PKD1L1: variants seen among roughly 807,000 people sequenced by gnomAD.
PKD1L1 encodes the protein polycystin 1 like 1, transient receptor potential channel interacting.
Under a neutral mutation model 323.4 loss-of-function variants are expected in PKD1L1, and 236 were observed. That is an observed-to-expected ratio of 0.73 (90% CI 0.66 to 0.81). The LOEUF (loss-of-function observed/expected upper bound fraction) is 0.81, where lower values mean the gene tolerates loss of function less well. Ranked by LOEUF, PKD1L1 falls within the 40% of genes least tolerant of loss-of-function variation. The probability of loss-of-function intolerance (pLI) is 0.00; values close to 1 mark genes in which losing one functional copy is unlikely to be tolerated. For synonymous variants in PKD1L1, 1,344 were observed against 1,335.0 expected, an observed-to-expected ratio of 1.01 and a Z score of -0.15; for missense variants, 3,320 against 3,508.0, an observed-to-expected ratio of 0.95 and a Z score of 1.35.
upstream of PKD1L1, among the ~76,000 whole-genome samples, chr7:47,949,390 A>AAAAAAAAAAAAAAC: frequency 1.4e-5 from 2 of 145,206 alleles, no homozygotes; most frequent in Non-Finnish European, 3.0e-5. Flanking sequence ...AAAAAAAAAA[A>AAAAAAAAAAAAAAC]AGCTGTAACT....
intron 24 of PKD1L1, among the ~76,000 whole-genome samples, chr7:47,870,589 T>C (rs771523434): frequency 7.2e-5 from 11 of 152,242 alleles, no homozygotes; most frequent in South Asian, 2.1e-4. Flanking sequence ...ATAGTAAAGA[T>C]ACTGAATCAG....
chr7:47,844,856 A>G, intron 33 of PKD1L1, 139 bp downstream of exon 33: 1 of 535,804 alleles, frequency 1.9e-6, no homozygotes, highest in South Asian at 3.5e-5. Context: ...ATAATTATCT[A>G]CTAATATGCA....
chr7:47,813,800 G>A (rs1784955674), intron 48 of PKD1L1, 131 bp downstream of exon 48: 4 of 772,632 alleles, frequency 5.2e-6, no homozygotes, highest in Admixed American at 2.3e-5. Context: ...CCCAGCCCCG[G>A]CACTGACAAT....
Position 47,890,540 on chromosome 7 carries a change from A to G in PKD1L1, c.2675+2T>C. On this transcript the variant is annotated splice_donor_variant, in intron 16 of 56. Coordinates refer to ENST00000289672, the MANE Select transcript of PKD1L1 (RefSeq NM_138295.5). LOFTEE classifies it high-confidence loss of function. ...AGCTGTGCTGAATACAGGGTCAGGT[A>G]CCTGAACGCCGAGTCAGGGTAGGGG... 1 of 1,613,784 alleles carries G rather than the reference A, an allele frequency of 6.2e-7. No individual in the cohort carries two copies. The highest frequency in any genetic ancestry group is 8.5e-7 in the Non-Finnish European group (1 of 1,179,832).
At chr7:47,939,571 C>T (rs576073585) in intron 3 of PKD1L1, among the ~76,000 whole-genome samples, 8 of 152,302 alleles carry the variant, frequency 5.3e-5, no homozygotes, top group Admixed American at 2.6e-4. Flanking sequence ...CAGGGCATTG[C>T]CCAGGCCTTC....
intron 24 of PKD1L1, among the ~76,000 whole-genome samples, chr7:47,867,093 C>T (rs1786185311): frequency 2.0e-5 from 3 of 152,212 alleles, no homozygotes; most frequent in Non-Finnish European, 4.4e-5. Context: ...AATTTATTTG[C>T]TGTATGAGCA....
intron 36 of PKD1L1, among the ~76,000 whole-genome samples, chr7:47,838,450 C>T (rs564287653): frequency 6.6e-6 from 1 of 152,290 alleles, no homozygotes; most frequent in East Asian, 1.9e-4. Flanking sequence ...GTTGTCATTA[C>T]CATAATAAAT....
chr7:47,803,166 A>G (rs772397321), intron 53 of PKD1L1, 44 bp downstream of exon 53: 7 of 1,611,514 alleles, frequency 4.3e-6, no homozygotes, highest in East Asian at 4.5e-5. Context: ...ACACAGATCA[A>G]TGGTTTACAA....
chr7:47,884,868 G>A (rs1026522290), intron 18 of PKD1L1, among the ~76,000 whole-genome samples: 2 of 152,224 alleles, frequency 1.3e-5, no homozygotes, highest in Admixed American at 1.3e-4. Flanking sequence ...GGCCCCAGGA[G>A]GAGGAGAGGG....
At chr7:47,780,458 C>T (rs1786666135) in intron 56 of PKD1L1, among the ~76,000 whole-genome samples, 1 of 152,028 alleles carries the variant, frequency 6.6e-6, no homozygotes, top group Non-Finnish European at 1.5e-5. Context: ...ATGGTGAAAA[C>T]CCGTCTCTAC....
chr7:47,923,728 A>G (rs1172010432), intron 7 of PKD1L1, among the ~76,000 whole-genome samples: 5 of 152,068 alleles, frequency 3.3e-5, no homozygotes, highest in Non-Finnish European at 7.4e-5. Context: ...ATTTATGAGG[A>G]AGAACCATGA....
chr7:47,835,081 C>A (rs768708024), intron 38 of PKD1L1, 42 bp from the exon 39 acceptor site: 23 of 1,610,398 alleles, frequency 1.4e-5, no homozygotes, highest in Non-Finnish European at 1.7e-5. Flanking sequence ...TGTTCCCCAG[C>A]AATGAAGGGG....
At chr7:47,790,329 A>C (rs1786910806) in intron 56 of PKD1L1, among the ~76,000 whole-genome samples, 1 of 119,804 alleles carries the variant, frequency 8.3e-6, no homozygotes, top group Non-Finnish European at 1.8e-5. Context: ...ATTGCTAAAT[A>C]AATAATTTTT....
intron 41 of PKD1L1, 55 bp from the exon 42 acceptor site, chr7:47,831,407 C>T: frequency 6.4e-7 from 1 of 1,563,750 alleles, no homozygotes; most frequent in Non-Finnish European, 8.7e-7. Flanking sequence ...GCATCTCCAT[C>T]CACGCGGAGT....
intron 30 of PKD1L1, among the ~76,000 whole-genome samples, chr7:47,854,106 A>G (rs1478538601): frequency 6.6e-6 from 1 of 152,188 alleles, no homozygotes; most frequent in East Asian, 1.9e-4. Flanking sequence ...TAGACATCGA[A>G]TGCTTAGCTC....
chr7:47,777,083 G>A (rs57931259), intron 56 of PKD1L1, among the ~76,000 whole-genome samples: 33,836 of 151,910 alleles, frequency 0.22, 4,058 homozygotes, highest in South Asian at 0.27. Flanking sequence ...GTAGAGATGG[G>A]GTTTTGCCAT....
intron 33 of PKD1L1, among the ~76,000 whole-genome samples, chr7:47,844,539 G>A (rs1298911553): frequency 1.3e-5 from 2 of 152,142 alleles, no homozygotes; most frequent in Non-Finnish European, 1.5e-5. Flanking sequence ...TATAAAAGTG[G>A]CTATAAAAAT....
In PKD1L1 at chr7:47,774,772, T is replaced by C. The variant is rs1786531351; in HGVS notation, c.*371A>G. ...ATCCTGGTCTCTTTCATCGCTTTTA[T>C]GAGACCTGAAAGAAATTTCACAAGA... On this transcript the variant is annotated 3_prime_UTR_variant, in exon 57 of 57. Transcript: ENST00000289672. The C allele has an allele frequency of 5.8e-6, 1 of 173,592 alleles. No individual in the cohort carries two copies. The highest frequency in any genetic ancestry group is 6.3e-5 in the Admixed American group (1 of 15,974). The allele number at this position is 173,592 out of a possible 1,614,324, so 10.8% of individuals were successfully genotyped here.
Position 47,902,412 on chromosome 7 carries a change from G to A in PKD1L1, c.2031C>T (p.Pro677=), listed in dbSNP as rs74574633. ...LFIVCEPCQP[P]LVKNMGPGKV... ...TCCCAGGCCCCATGTTCTTCACCAG[G>A]GGTGGCTGGCAGGGCTCGCACACGA... Residue 677 remains proline, a synonymous_variant, in exon 13 of 57, where the codon CCC becomes CCT. Coordinates refer to ENST00000289672, the MANE Select transcript of PKD1L1 (RefSeq NM_138295.5). 1.4e-3 allele frequency: 2,307 copies of A among 1,614,132 alleles called. 29 individuals are homozygous for A. The East Asian group carries it at 0.036, about 25-fold the overall frequency.
Sources: allele counts gnomAD v4.1 joint callset (sites outside exome capture counted in the v4.1 genomes callset), GRCh38; gene constraint gnomAD v4.1.1; transcripts MANE v1.5; gene names NCBI Gene and HGNC (gene_info 2026-07-23, HGNC 2026-07-21).